The following MYO3A variants were observed in gnomAD, a reference collection of about 807,000 sequenced individuals.
The protein encoded by MYO3A is myosin IIIA.
In MYO3A, 180 loss-of-function variants were observed where a neutral mutation model predicts 192.7. That is an observed-to-expected ratio of 0.93 (90% CI 0.83 to 1.06). The LOEUF is 1.06. Ranked by LOEUF, MYO3A falls within the 50% of genes least tolerant of loss-of-function variation. The probability of loss-of-function intolerance (pLI) is 0.00; values close to 1 mark genes in which losing one functional copy is unlikely to be tolerated. For synonymous variants in MYO3A, 628 were observed against 645.3 expected (o/e 0.97, Z 0.41); for missense variants, 1,896 against 1,905.0 (o/e 1.00, Z 0.09).
At chr10:26,024,145 C>A in intron 9 of MYO3A, 58 bp downstream of exon 9, 1 of 1,460,430 alleles carries the variant, frequency 6.8e-7, no homozygotes, top group Non-Finnish European at 9.6e-7. Flanking sequence ...ATAACTAAAT[C>A]TCCTCCTATT....
chr10:26,206,712 G>T (rs1376488139), intron 34 of MYO3A, among the ~76,000 whole-genome samples: 2 of 152,024 alleles, frequency 1.3e-5, no homozygotes, highest in Non-Finnish European at 2.9e-5. Context: ...GCCTCCCAAA[G>T]TGCTGGGATT....
intron 10 of MYO3A, among the ~76,000 whole-genome samples, chr10:26,033,803 A>T (rs1374189358): frequency 6.6e-6 from 1 of 152,224 alleles, no homozygotes; most frequent in Non-Finnish European, 1.5e-5. Context: ...ACCATGAGGG[A>T]TAAACTGGAC....
At chr10:26,158,516 A>G (rs1003045916) in intron 26 of MYO3A, among the ~76,000 whole-genome samples, 4 of 152,072 alleles carry the variant, frequency 2.6e-5, no homozygotes, top group African/African-American at 7.2e-5. Context: ...TGGCCTCCCA[A>G]AGTGCTAGGA....
chr10:26,039,875 A>G (rs1843246290), intron 10 of MYO3A, among the ~76,000 whole-genome samples: 1 of 151,534 alleles, frequency 6.6e-6, no homozygotes, highest in African/African-American at 2.4e-5. Context: ...CAATTCATTT[A>G]TTTCTGCTCT....
chr10:26,023,902 G>C, intron 8 of MYO3A, 120 bp from the exon 9 acceptor site: 1 of 876,334 alleles, frequency 1.1e-6, no homozygotes, highest in Non-Finnish European at 1.9e-6. Context: ...ATTGGGAAAA[G>C]ATGGAATCCT....
At chr10:26,176,628 C>T in intron 30 of MYO3A, 73 bp from the exon 31 acceptor site, 4 of 1,432,856 alleles carry the variant, frequency 2.8e-6, no homozygotes, top group Non-Finnish European at 3.9e-6. Flanking sequence ...AAGGCGTTTC[C>T]CAGCCCCCGG....
In MYO3A at chr10:26,192,601, T is replaced by C. The variant is rs1843195497; in HGVS notation, c.4439-604T>C. On this transcript the variant is annotated intron_variant, in intron 31 of 34. Coordinates refer to ENST00000642920, the MANE Select transcript of MYO3A (RefSeq NM_017433.5). Reference sequence around the variant, plus strand: ...TATTCAATTCCACGTGACCAAACTATGCATTCTTTCTCGTTCTTTCCTTCC... The same window carrying C: ...TATTCAATTCCACGTGACCAAACTACGCATTCTTTCTCGTTCTTTCCTTCC... 1.3e-5 allele frequency among the ~76,000 whole-genome samples: 2 copies of C among 151,954 alleles called. 1 individual carries two copies. The highest frequency in any genetic ancestry group is 4.2e-4 in the South Asian group (2 of 4,812).
intron 30 of MYO3A, 141 bp downstream of exon 30, chr10:26,174,698 G>C: frequency 2.7e-6 from 2 of 743,160 alleles, no homozygotes; most frequent in African/African-American, 1.8e-5. Context: ...AATGTCTCAG[G>C]GATTGTGCTA....
In MYO3A at chr10:26,134,325, T is replaced by C. The variant is rs143898818; in HGVS notation, c.2262+5787T>C. On this transcript the variant is annotated intron_variant, in intron 20 of 34. Transcript: ENST00000642920. ...CATCTCAAGTTAATGATGGCCAGCATTCTCTGTGACTTGCTATTAACATTA... is the reference window on the plus strand; with the variant it reads ...CATCTCAAGTTAATGATGGCCAGCACTCTCTGTGACTTGCTATTAACATTA... Among the ~76,000 whole-genome samples the C allele has an allele frequency of 1.9e-4, 29 of 152,280 alleles. No individual in the cohort carries two copies. The East Asian group carries it at 5.2e-3, about 27-fold the overall frequency.
chr10:26,075,301 T>C (rs552701733), intron 14 of MYO3A, among the ~76,000 whole-genome samples: 24 of 151,698 alleles, frequency 1.6e-4, no homozygotes, highest in African/African-American at 5.5e-4. Flanking sequence ...TCCATAGTTA[T>C]CGGGATACAG....
intron 10 of MYO3A, among the ~76,000 whole-genome samples, chr10:26,050,655 C>T (rs1433936957): frequency 6.6e-6 from 1 of 152,174 alleles, no homozygotes; most frequent in Non-Finnish European, 1.5e-5. Context: ...AGATTTATTT[C>T]AACATCTAAA....
chr10:26,135,693 G>A (rs945766775), intron 20 of MYO3A, among the ~76,000 whole-genome samples: 2 of 152,022 alleles, frequency 1.3e-5, no homozygotes, highest in African/African-American at 4.8e-5. Context: ...ACAGAAACTC[G>A]ACCGGGCGCA....
chr10:25,984,983 A>G (rs1186143378), intron 4 of MYO3A, among the ~76,000 whole-genome samples: 1 of 152,176 alleles, frequency 6.6e-6, no homozygotes, highest in Non-Finnish European at 1.5e-5. Context: ...CATTCCTGTA[A>G]TCCCGGCACT....
At chr10:26,004,460 AAAAT>A (rs1358066047) in intron 6 of MYO3A, among the ~76,000 whole-genome samples, 2 of 151,388 alleles carry the variant, frequency 1.3e-5, no homozygotes, top group African/African-American at 4.8e-5. Context: ...TAAACATATA[AAAAT>A]AAATATAATG....
In MYO3A at chr10:26,153,895, T is replaced by C. The variant is rs762140700; in HGVS notation, c.2681T>C (p.Met894Thr). ...ACTAAAAATGTTATAAACTATCAAATGAGGACTTCAGAAAAATTAATCAAC... is the reference window on the plus strand; with the variant it reads ...ACTAAAAATGTTATAAACTATCAAACGAGGACTTCAGAAAAATTAATCAAC... ...SKTKNVINYQ[M>T]RTSEKLINLA... Residue 894 changes from methionine (M) to threonine (T), a missense_variant, in exon 24 of 35, where the codon ATG (methionine) becomes ACG (threonine). Met to Thr is a moderately conservative substitution (Grantham distance 81). Transcript: ENST00000642920. 18 of 1,596,106 alleles carry C rather than the reference T, an allele frequency of 1.1e-5. No individual in the cohort carries two copies. The highest frequency in any genetic ancestry group is 1.2e-5 in the Non-Finnish European group (14 of 1,163,986).
chr10:26,026,293 GTTAGA>G lies in MYO3A; in HGVS notation c.798-80_798-76del. On this transcript the variant is annotated intron_variant, in intron 9 of 34. Transcript: ENST00000642920. ...TTTATGAGGAGCATCACTCTCGTGT[GTTAGA>G]TTAATTTTTAGGAATATGAATAATA... 2.7e-6 allele frequency: 4 copies of G among 1,496,318 alleles called. No homozygotes were observed. The South Asian group carries it at 4.7e-5, about 18-fold the overall frequency. The allele number at this position is 1,496,318 out of a possible 1,614,324, so 92.7% of individuals were successfully genotyped here.
chr10:26,123,587 G>C (rs944976237), intron 18 of MYO3A, among the ~76,000 whole-genome samples: 1 of 152,170 alleles, frequency 6.6e-6, no homozygotes, highest in African/African-American at 2.4e-5. Flanking sequence ...GCTGAGAGGA[G>C]TGTAATTGGT....
chr10:26,158,385 T>A (rs1191031277), intron 26 of MYO3A, among the ~76,000 whole-genome samples: 5 of 151,992 alleles, frequency 3.3e-5, no homozygotes, highest in Non-Finnish European at 5.9e-5. Flanking sequence ...CCCGACTAGC[T>A]GGGAGTACAG....
At chr10:26,147,279 A>G in intron 22 of MYO3A, 151 bp from the exon 23 acceptor site, 6 of 643,768 alleles carry the variant, frequency 9.3e-6, no homozygotes, top group South Asian at 7.6e-5. Context: ...CCTTAAGATG[A>G]TAAGGGGCTA....
Sources: allele counts gnomAD v4.1 joint callset (sites outside exome capture counted in the v4.1 genomes callset), GRCh38; gene constraint gnomAD v4.1.1; transcripts MANE v1.5; gene names NCBI Gene and HGNC (gene_info 2026-07-23, HGNC 2026-07-21).